ADGRL3: variants seen among roughly 807,000 people sequenced by gnomAD.
ADGRL3 encodes the protein calcium-independent alpha-latrotoxin receptor 3.
ADGRL3 carries 62 observed loss-of-function variants against 153.5 expected under a neutral mutation model. The ratio of observed to expected loss-of-function variants is 0.40; its 90% CI spans 0.33 to 0.50. The LOEUF is 0.50. Ranked by LOEUF, ADGRL3 falls within the 20% of genes least tolerant of loss-of-function variation. The pLI is 0.47. For synonymous variants in ADGRL3, 710 were observed against 672.5 expected (o/e 1.06, Z -0.86); for missense variants, 1,641 against 1,859.4 (o/e 0.88, Z 2.16).
chr4:61,231,147 C>G (rs113242949), intron 1 of ADGRL3, among the ~76,000 whole-genome samples: 4 of 152,178 alleles, frequency 2.6e-5, no homozygotes, highest in African/African-American at 9.6e-5. Flanking sequence ...AAAGTCTGTG[C>G]GGAGATAGTA....
At chr4:61,298,652 A>C (rs1006996935) in intron 1 of ADGRL3, among the ~76,000 whole-genome samples, 1 of 152,284 alleles carries the variant, frequency 6.6e-6, no homozygotes. Context: ...CAGGACAACC[A>C]TTTCTACATT....
At chr4:61,493,514 ATTCCAG>A (rs2098279298) in intron 2 of ADGRL3, among the ~76,000 whole-genome samples, 1 of 152,250 alleles carries the variant, frequency 6.6e-6, no homozygotes, top group Non-Finnish European at 1.5e-5. Context: ...GAAATAAATG[ATTCCAG>A]TTGTAATTGA....
At chr4:61,246,114 T>A (rs1452542584) in intron 1 of ADGRL3, among the ~76,000 whole-genome samples, 1 of 152,006 alleles carries the variant, frequency 6.6e-6, no homozygotes, top group East Asian at 1.9e-4. Flanking sequence ...AATCTACAAC[T>A]CTTTTCAGAT....
intron 6 of ADGRL3, among the ~76,000 whole-genome samples, chr4:61,716,635 T>C (rs776593977): frequency 6.6e-5 from 10 of 152,160 alleles, no homozygotes; most frequent in Non-Finnish European, 1.2e-4. Flanking sequence ...ATAATATGTA[T>C]TGTGCAATAA....
intron 2 of ADGRL3, among the ~76,000 whole-genome samples, chr4:61,407,803 T>C (rs1035016185): frequency 1.3e-5 from 2 of 152,178 alleles, no homozygotes; most frequent in Admixed American, 6.6e-5. Context: ...CATTCTCAAG[T>C]ATGTATGTAC....
intron 9 of ADGRL3, among the ~76,000 whole-genome samples, chr4:61,827,996 T>C (rs1290679077): frequency 6.6e-6 from 1 of 152,218 alleles, no homozygotes; most frequent in Non-Finnish European, 1.5e-5. Context: ...TATCTTGAGA[T>C]GTAATTTATT....
intron 9 of ADGRL3, among the ~76,000 whole-genome samples, chr4:61,845,547 C>G (rs2098106564): frequency 1.4e-5 from 2 of 143,976 alleles, no homozygotes; most frequent in Non-Finnish European, 3.0e-5. Context: ...TTTTTTTTTG[C>G]AGAGACAGCA....
intron 4 of ADGRL3, among the ~76,000 whole-genome samples, chr4:61,540,761 G>A (rs528219060): frequency 6.8e-4 from 104 of 152,176 alleles, no homozygotes; most frequent in African/African-American, 2.4e-3. Context: ...TAAATTTAAT[G>A]CCCAGGCAGA....
intron 6 of ADGRL3, among the ~76,000 whole-genome samples, chr4:61,698,344 T>C (rs7692804): frequency 0.37 from 55,629 of 151,620 alleles, 10,832 homozygotes; most frequent in East Asian, 0.57. Flanking sequence ...CCCAGCTACT[T>C]GGGAGGCTGA....
chr4:61,799,326 G>A lies in ADGRL3; in HGVS notation c.1400-14483G>A, dbSNP rs555997872. On this transcript the variant is annotated intron_variant, in intron 8 of 26. Coordinates refer to ENST00000683033, the MANE Select transcript of ADGRL3 (RefSeq NM_001387552.1). The stretch of plus-strand genomic sequence containing the variant: ...AACTTCTTCTGTAAAAGACCAGATA[G>A]TCAATATTTTAGGTTTTGCAGGCTA... Among the ~76,000 whole-genome samples, 5 of 152,076 alleles carry A rather than the reference G, an allele frequency of 3.3e-5. No homozygotes were observed. The East Asian group carries it at 9.7e-4, about 30-fold the overall frequency.
chr4:61,648,974 A>T (rs1411421776), intron 5 of ADGRL3, among the ~76,000 whole-genome samples: 1 of 151,858 alleles, frequency 6.6e-6, no homozygotes, highest in Admixed American at 6.6e-5. Context: ...TATCTTTCTT[A>T]CTTTTAAGTT....
At chr4:61,917,950 T>C (rs1224098356) in intron 13 of ADGRL3, among the ~76,000 whole-genome samples, 1 of 152,086 alleles carries the variant, frequency 6.6e-6, no homozygotes, top group Non-Finnish European at 1.5e-5. Context: ...ACTTCAGCTT[T>C]TATTCAGAAA....
At chr4:61,219,925 T>G (rs886626390) in intron 1 of ADGRL3, among the ~76,000 whole-genome samples, 1 of 151,776 alleles carries the variant, frequency 6.6e-6, no homozygotes, top group Non-Finnish European at 1.5e-5. Context: ...CTGGACAACA[T>G]GGTGAAACCC....
At chr4:61,482,798 A>G (rs1364874014) in intron 2 of ADGRL3, among the ~76,000 whole-genome samples, 1 of 152,188 alleles carries the variant, frequency 6.6e-6, no homozygotes, top group African/African-American at 2.4e-5. Context: ...ATAGTTTTGG[A>G]AAGCCACTTT....
chr4:62,058,986 A>C (rs1738577297), intron 25 of ADGRL3, among the ~76,000 whole-genome samples: 1 of 152,162 alleles, frequency 6.6e-6, no homozygotes, highest in South Asian at 2.1e-4. Context: ...GGAAGAAGAC[A>C]GCTTCTGTGC....
At chr4:61,965,240 C>A (rs1171882398) in intron 17 of ADGRL3, among the ~76,000 whole-genome samples, 1 of 151,930 alleles carries the variant, frequency 6.6e-6, no homozygotes, top group Non-Finnish European at 1.5e-5. Context: ...CTCAAGCGAT[C>A]CCCCCGCCAT....
At chr4:61,947,232 A>G (rs957219960) in intron 16 of ADGRL3, 110 bp downstream of exon 16, 1 of 865,530 alleles carries the variant, frequency 1.2e-6, no homozygotes, top group Middle Eastern at 3.5e-4. Context: ...GACATATAAC[A>G]GTTCATTATC....
At chr4:61,374,527 C>T (rs1355032791) in intron 1 of ADGRL3, among the ~76,000 whole-genome samples, 1 of 152,012 alleles carries the variant, frequency 6.6e-6, no homozygotes, top group African/African-American at 2.4e-5. Context: ...ACATGAAGCA[C>T]ATTTTTAAGA....
intron 4 of ADGRL3, among the ~76,000 whole-genome samples, chr4:61,521,712 A>G (rs2152921528): frequency 6.6e-6 from 1 of 152,222 alleles, no homozygotes; most frequent in African/African-American, 2.4e-5. Flanking sequence ...AAAACCAAGT[A>G]TCTGGCTTGA....
Sources: allele counts gnomAD v4.1 joint callset (sites outside exome capture counted in the v4.1 genomes callset), GRCh38; gene constraint gnomAD v4.1.1; transcripts MANE v1.5; gene names NCBI Gene and HGNC (gene_info 2026-07-23, HGNC 2026-07-21).